RAB3GAP2: variants seen among roughly 807,000 people sequenced by gnomAD.
RAB3GAP2 encodes the protein RAB3 GTPase activating non-catalytic protein subunit 2.
Under a neutral mutation model 185.3 loss-of-function variants are expected in RAB3GAP2, and 87 were observed. That is an observed-to-expected ratio of 0.47 (90% CI 0.39 to 0.56). The LOEUF (loss-of-function observed/expected upper bound fraction) is 0.56, where lower values mean the gene tolerates loss of function less well. RAB3GAP2 is among the 20% of genes least tolerant of loss of function. The pLI, the probability that RAB3GAP2 is intolerant of heterozygous loss-of-function variation, is 0.00. For synonymous variants in RAB3GAP2, 554 were observed against 576.1 expected (o/e 0.96, Z 0.55); for missense variants, 1,492 against 1,638.2 (o/e 0.91, Z 1.54).
Position 220,167,343 on chromosome 1 carries a change from G to A in RAB3GAP2, c.3037C>T (p.His1013Tyr), listed in dbSNP as rs765348128. The change falls in exon 26 of 35, where the codon CAT becomes TAT. Residue 1013 changes from histidine to tyrosine, a missense_variant. By Grantham distance (83) the His-to-Tyr change is moderately conservative. This residue lies in a region of RAB3GAP2 where 387 missense variants were observed against 455.3 expected (regional missense o/e 0.85). Coordinates refer to ENST00000358951, the MANE Select transcript of RAB3GAP2 (RefSeq NM_012414.4). ...FPCSLELDVL[H>Y]AHCCWEYVVQ... ...ACGTACTCCCAGCAGCAATGTGCAT[G>A]CAAGACATCGAGCTCAAGGCTACAA... is the stretch of plus-strand genomic sequence containing the variant. 2 of 1,614,198 alleles carry A rather than the reference G, an allele frequency of 1.2e-6. No individual in the cohort carries two copies. Among genetic ancestry groups the A allele is most frequent in the Non-Finnish European group, 1.7e-6 (2 of 1,180,026 alleles).
intron 16 of RAB3GAP2, 68 bp downstream of exon 16, chr1:220,189,996 A>G: frequency 7.5e-7 from 1 of 1,336,840 alleles, no homozygotes. Flanking sequence ...TGCTCCATTC[A>G]GAATATTTTA....
chr1:220,175,894 CCAAA>C (rs1388082009), intron 21 of RAB3GAP2, among the ~76,000 whole-genome samples: 1 of 152,056 alleles, frequency 6.6e-6, no homozygotes, highest in Non-Finnish European at 1.5e-5. Flanking sequence ...ATTAAAACTT[CCAAA>C]CAGTCAAGCT....
intron 1 of RAB3GAP2, chr1:220,254,048 T>C: frequency 1.2e-6 from 2 of 1,613,942 alleles, no homozygotes; most frequent in Non-Finnish European, 1.7e-6. Context: ...AAAGTAAAGA[T>C]TCCTGAATAG....
chr1:220,228,404 T>C (rs866141625), intron 2 of RAB3GAP2, among the ~76,000 whole-genome samples: 1 of 152,290 alleles, frequency 6.6e-6, no homozygotes, highest in Middle Eastern at 3.4e-3. Flanking sequence ...TTTCTAATAG[T>C]CCTGGTATAA....
At chr1:220,244,026 T>C (rs990055782) in intron 1 of RAB3GAP2, among the ~76,000 whole-genome samples, 8 of 152,180 alleles carry the variant, frequency 5.3e-5, no homozygotes, top group African/African-American at 1.9e-4. Context: ...CTTTTACCAC[T>C]TCTATTCAAC....
chr1:220,240,389 C>A (rs1437466555), intron 1 of RAB3GAP2, among the ~76,000 whole-genome samples: 1 of 152,022 alleles, frequency 6.6e-6, no homozygotes, highest in Non-Finnish European at 1.5e-5. Context: ...AATCTTTAAT[C>A]TTTTTTTTCC....
Position 220,272,374 on chromosome 1 carries a change from T to G in RAB3GAP2, c.-37A>C. ...ACCCCACTACGGCACTCACCTTACC[T>G]CACCACGCCCTGCCCCCTCCACCCC... is the stretch of plus-strand genomic sequence containing the variant. On this transcript the variant is annotated 5_prime_UTR_variant, in exon 1 of 35. Transcript: ENST00000358951. 1 of 1,468,072 alleles carries G rather than the reference T, an allele frequency of 6.8e-7. No homozygotes were observed. The highest frequency in any genetic ancestry group is 1.2e-5 in the South Asian group (1 of 84,288). The allele number at this position is 1,468,072 out of a possible 1,614,324, so 90.9% of individuals were successfully genotyped here.
chr1:220,215,338 T>C (rs1328645636), intron 2 of RAB3GAP2, among the ~76,000 whole-genome samples: 5 of 152,198 alleles, frequency 3.3e-5, no homozygotes. Flanking sequence ...CAGCAATTTT[T>C]GAAAGTGCTT....
chr1:220,236,566 G>A (rs367862655), intron 1 of RAB3GAP2, among the ~76,000 whole-genome samples: 1 of 152,060 alleles, frequency 6.6e-6, no homozygotes, highest in Non-Finnish European at 1.5e-5. Flanking sequence ...TTGCAAGGAG[G>A]TAGTGGACAG....
intron 1 of RAB3GAP2, among the ~76,000 whole-genome samples, chr1:220,247,311 T>C (rs1659838586): frequency 6.6e-6 from 1 of 152,192 alleles, no homozygotes; most frequent in South Asian, 2.1e-4. Flanking sequence ...CACACACGTT[T>C]ATAGCAGCAC....
chr1:220,163,754 T>C (rs1330367001), intron 27 of RAB3GAP2, among the ~76,000 whole-genome samples: 4 of 133,832 alleles, frequency 3.0e-5, no homozygotes, highest in East Asian at 2.0e-4. Flanking sequence ...CATATATATA[T>C]ATATATATAT....
chr1:220,250,113 AC>A (rs1305257217), intron 1 of RAB3GAP2, among the ~76,000 whole-genome samples: 1 of 152,106 alleles, frequency 6.6e-6, no homozygotes, highest in Non-Finnish European at 1.5e-5. Context: ...GACAGCTTGC[AC>A]CATGCACCGG....
intron 2 of RAB3GAP2, among the ~76,000 whole-genome samples, chr1:220,227,002 G>T (rs1420674215): frequency 6.6e-6 from 1 of 152,184 alleles, no homozygotes; most frequent in East Asian, 1.9e-4. Context: ...CTGCAAGCCA[G>T]GAAGAAAGGC....
chr1:220,257,809 T>A (rs926363870), intron 1 of RAB3GAP2, among the ~76,000 whole-genome samples: 4 of 151,646 alleles, frequency 2.6e-5, no homozygotes, highest in African/African-American at 9.7e-5. Context: ...TTAAAAAAAT[T>A]AATAAAATAG....
At chr1:220,272,088 C>T in intron 1 of RAB3GAP2, 135 bp downstream of exon 1, 1 of 766,424 alleles carries the variant, frequency 1.3e-6, no homozygotes, top group Non-Finnish European at 2.3e-6. Context: ...CATCCCGGAG[C>T]GGAGGGGAGG....
rs753147106 is a variant in RAB3GAP2, at chr1:220,171,939, C to T, written c.2527G>A (p.Val843Ile). 4.5e-5 allele frequency: 73 copies of T among 1,614,214 alleles called. No individual in the cohort carries two copies. The East Asian group carries it at 1.5e-3, about 34-fold the overall frequency. The change falls in exon 23 of 35, where the codon GTT (valine) becomes ATT (isoleucine). Residue 843 changes from valine to isoleucine, a missense_variant. Transcript: ENST00000358951. ...NNGAALLSAH[V>I]GHSVAAQISN... ...ATCTGTGCAGCAACAGAATGCCCAA[C>T]ATGCGCAGACAACAGAGCGGCTCCA...
chr1:220,182,942 G>A lies in RAB3GAP2; in HGVS notation c.1999-11C>T. The A allele has an allele frequency of 6.3e-7, 1 of 1,597,298 alleles. No homozygotes were observed. Among genetic ancestry groups the A allele is most frequent in the Non-Finnish European group, 8.6e-7 (1 of 1,166,402 alleles). ...TAACAGAGCCAAGTCCTTTAAAACA[G>A]AAAACAAAACAAAACAACATTCCAC... On this transcript the variant is annotated splice_polypyrimidine_tract_variant and intron_variant, in intron 19 of 34. Coordinates refer to ENST00000358951, the MANE Select transcript of RAB3GAP2 (RefSeq NM_012414.4).
chr1:220,162,216 A>G lies in RAB3GAP2; in HGVS notation c.3207T>C (p.Ala1069=). The G allele has an allele frequency of 1.3e-6, 2 of 1,585,428 alleles. No homozygotes were observed. Among genetic ancestry groups the G allele is most frequent in the South Asian group, 2.2e-5 (2 of 90,476 alleles). The change falls in exon 28 of 35, where the codon GCT becomes GCC. Residue 1069 remains alanine, a synonymous_variant. Transcript: ENST00000358951. ...NTFLVKRFSA[A]TYLMDKVGKS... ...ACCTTACCTTATCCATTAAGTATGT[A>G]GCAGCAGAAAATCTTTTAACTAAGA...
intron 1 of RAB3GAP2, among the ~76,000 whole-genome samples, chr1:220,256,464 G>A (rs952019354): frequency 5.3e-5 from 8 of 152,140 alleles, no homozygotes; most frequent in African/African-American, 1.9e-4. Flanking sequence ...AGAATGTCAA[G>A]CTGGATAAAG....
Sources: allele counts gnomAD v4.1 joint callset (sites outside exome capture counted in the v4.1 genomes callset), GRCh38; gene constraint gnomAD v4.1.1; regional missense constraint gnomAD v4.1.1; transcripts MANE v1.5; gene names NCBI Gene and HGNC (gene_info 2026-07-23, HGNC 2026-07-21).